The following IWS1 variants were observed in gnomAD, a reference collection of about 807,000 sequenced individuals.
IWS1 encodes interacts with SUPT6H, CTD assembly factor 1, also known as protein IWS1 homolog.
IWS1 carries 27 observed loss-of-function variants against 86.7 expected under a neutral mutation model. The observed-to-expected ratio is 0.31, with a 90% CI of 0.23 to 0.43. The LOEUF (loss-of-function observed/expected upper bound fraction) is 0.43. IWS1 is among the 20% of genes least tolerant of loss of function. The pLI is 1.00. For missense variants in IWS1, 827 were observed against 1,000.8 expected (o/e 0.83, Z 2.34); for synonymous variants, 313 against 335.1 (o/e 0.93, Z 0.72).
intron 2 of IWS1, chr2:127,514,335 A>C (rs1241705923): frequency 6.5e-6 from 1 of 153,372 alleles, no homozygotes; most frequent in African/African-American, 2.5e-5. Context: ...GGGACCCGCC[A>C]AACGGAGGAT....
intron 2 of IWS1, among the ~76,000 whole-genome samples, chr2:127,519,637 A>C (rs1691977630): frequency 6.6e-6 from 1 of 152,204 alleles, no homozygotes; most frequent in Non-Finnish European, 1.5e-5. Flanking sequence ...ATGGTAGCAA[A>C]ATAATGGCCC....
rs1410305937 is a variant in IWS1 at position 127,493,338 on chromosome 2, T to C, written c.1872A>G (p.Pro624=). The stretch of plus-strand genomic sequence containing the variant: ...TCTTGAGTGCAGGCAAACTCCTATC[T>C]GGTAGAGGTGAGAGCCATTCTTTGA... ...SAIKEWLSPL[P]DRSLPALKIR... Residue 624 remains proline, a synonymous_variant, in exon 9 of 14, where the codon CCA becomes CCG. Coordinates refer to ENST00000295321, the MANE Select transcript of IWS1 (RefSeq NM_017969.3). 3 of 1,613,882 alleles carry C rather than the reference T, an allele frequency of 1.9e-6. No individual in the cohort carries two copies. Among genetic ancestry groups the C allele is most frequent in the Non-Finnish European group, 2.5e-6 (3 of 1,179,912 alleles).
chr2:127,523,191 C>T (rs187123051), intron 2 of IWS1, among the ~76,000 whole-genome samples: 74 of 152,162 alleles, frequency 4.9e-4, no homozygotes, highest in African/African-American at 1.2e-3. Flanking sequence ...GCCTGTGTTA[C>T]AGAGTCAGAC....
At chr2:127,512,794 G>T (rs1691543059) in intron 2 of IWS1, among the ~76,000 whole-genome samples, 3 of 152,152 alleles carry the variant, frequency 2.0e-5, no homozygotes, top group Admixed American at 6.5e-5. Context: ...CACCCACATG[G>T]ATACCTTAAA....
At chr2:127,502,979 A>T in intron 4 of IWS1, 107 bp from the exon 5 acceptor site, 1 of 671,936 alleles carries the variant, frequency 1.5e-6, no homozygotes. Context: ...GCAGATCTTC[A>T]GTGTTCAGTT....
At chr2:127,509,662 C>T (rs1221083759) in intron 2 of IWS1, among the ~76,000 whole-genome samples, 2 of 128,622 alleles carry the variant, frequency 1.6e-5, no homozygotes, top group Non-Finnish European at 3.1e-5. Flanking sequence ...GAGCCAAGAT[C>T]GTGCCACTGC....
intron 12 of IWS1, 34 bp from the exon 13 acceptor site, chr2:127,486,698 T>C (rs369483146): frequency 1.9e-6 from 3 of 1,542,768 alleles, no homozygotes; most frequent in Admixed American, 1.7e-5. Flanking sequence ...ATGCTTCTTA[T>C]GTGGCCAGCC....
rs1690122421 is a variant in IWS1 at position 127,489,712 on chromosome 2, A to AT, written c.2159+119dup. On this transcript the variant is annotated intron_variant, in intron 11 of 13. Transcript: ENST00000295321. The surrounding 1 kb of genome is among the most constrained non-coding windows in gnomAD (Gnocchi z 4.8). The stretch of plus-strand genomic sequence containing the variant: ...AAAGGATATTATGAATTATGTACAC[A>AT]TATCAAGCTGAGAGGAAAGGAAATC... 2 of 719,402 alleles carry AT rather than the reference A, an allele frequency of 2.8e-6. No individual in the cohort carries two copies. The highest frequency in any genetic ancestry group is 4.0e-5 in the Admixed American group (2 of 50,124). The allele number at this position is 719,402 out of a possible 1,614,324, so 44.6% of individuals were successfully genotyped here.
chr2:127,483,030 TG>T (rs1341820957), intron 13 of IWS1: 1 of 151,304 alleles, frequency 6.6e-6, no homozygotes, highest in Admixed American at 6.6e-5. Flanking sequence ...CAATGTCGCT[TG>T]AAAAAAAAAC....
intron 2 of IWS1, chr2:127,511,521 C>G (rs1168425037): frequency 6.6e-6 from 1 of 152,202 alleles, no homozygotes; most frequent in African/African-American, 2.4e-5. Flanking sequence ...CGTCTGCTGA[C>G]CTGGTTAGCC....
At chr2:127,502,713 TG>T (rs1207123334) in intron 5 of IWS1, 101 bp downstream of exon 5, 12 of 595,806 alleles carry the variant, frequency 2.0e-5, no homozygotes, top group Non-Finnish European at 3.3e-5. Context: ...ACATCATAAT[TG>T]TTTATTCCTA....
Position 127,505,227 on chromosome 2 carries a change from T to C in IWS1, c.676A>G (p.Ser226Gly), listed in dbSNP as rs888669168. ...GCCTGGTGCCTTGGGGGTTCCTCAC[T>C]TTCTGAATCACTGACCTGAGGTTTA... ...LPKPQVSDSE[S>G]EEPPRHQASD... The change falls in exon 3 of 14, where the codon AGT becomes GGT. Residue 226 changes from serine to glycine, a missense_variant. Coordinates refer to ENST00000295321, the MANE Select transcript of IWS1 (RefSeq NM_017969.3). The surrounding 1 kb of genome is among the most constrained non-coding windows in gnomAD (Gnocchi z 5.0). 6.2e-7 allele frequency: 1 copy of C among 1,614,104 alleles called. No individual in the cohort carries two copies. The highest frequency in any genetic ancestry group is 1.7e-5 in the Admixed American group (1 of 60,022).
intron 6 of IWS1, 142 bp downstream of exon 6, chr2:127,497,995 TGAC>T: frequency 3.4e-6 from 2 of 593,304 alleles, no homozygotes; most frequent in Non-Finnish European, 5.9e-6. Context: ...GGTAATTCAC[TGAC>T]AACACCGTAA....
chr2:127,525,857 C>A (rs1158857005), intron 1 of IWS1, among the ~76,000 whole-genome samples: 1 of 152,252 alleles, frequency 6.6e-6, no homozygotes, highest in Non-Finnish European at 1.5e-5. Context: ...TCTCCAACTA[C>A]TCAACTACTG....
chr2:127,487,017 C>T (rs1014046003), intron 12 of IWS1, among the ~76,000 whole-genome samples: 3 of 152,206 alleles, frequency 2.0e-5, no homozygotes, highest in Admixed American at 6.5e-5. Context: ...AGTGGAGTCA[C>T]TCATGAGTTC....
rs1691039751 is a variant in IWS1, at chr2:127,504,961, G to C, written c.942C>G (p.Asp314Glu). 1 of 1,614,178 alleles carries C rather than the reference G, an allele frequency of 6.2e-7. No individual in the cohort carries two copies. The highest frequency in any genetic ancestry group is 8.5e-7 in the Non-Finnish European group (1 of 1,180,044). ...GTCTGGACGCATCCTCAGTTTCTGA[G>C]TCACTGGCAGGCCCCTTCTGAGGCC... Reference protein sequence around the residue: ...SEGPQKGPASDSETEDASRHK... With the variant: ...SEGPQKGPASESETEDASRHK... Residue 314 changes from aspartate to glutamate, a missense_variant, in exon 3 of 14, where the codon GAC becomes GAG. Around this residue, in one of 2 missense-constraint regions of IWS1, gnomAD observed 548 missense variants for 560.2 expected, o/e 0.98. Transcript: ENST00000295321.
rs1051577546 is a variant in IWS1, at chr2:127,489,982, T to C, written c.2048-39A>G. The C allele has an allele frequency of 6.9e-6, 8 of 1,161,840 alleles. No individual in the cohort carries two copies. The highest frequency in any genetic ancestry group is 1.0e-5 in the Non-Finnish European group (8 of 770,776). The allele number at this position is 1,161,840 out of a possible 1,614,324, so 72.0% of individuals were successfully genotyped here. A position where few individuals can be genotyped will look rare whatever the true frequency, so the allele number is the denominator to read the frequency against. Reference sequence around the variant, plus strand: ...AAAATCAATTATTTTGTCCATAAAATTGCATTTCCATTTTTTTCAAATAAT... The same window carrying C: ...AAAATCAATTATTTTGTCCATAAAACTGCATTTCCATTTTTTTCAAATAAT... On this transcript the variant is annotated intron_variant, in intron 10 of 13. Transcript: ENST00000295321. The surrounding 1 kb of genome is among the most constrained non-coding windows in gnomAD (Gnocchi z 4.8).
intron 2 of IWS1, among the ~76,000 whole-genome samples, chr2:127,520,313 C>G (rs990607932): frequency 1.3e-5 from 2 of 152,022 alleles, no homozygotes; most frequent in Non-Finnish European, 2.9e-5. Flanking sequence ...GGACTACAGG[C>G]GCAAACCACC....
intron 2 of IWS1, among the ~76,000 whole-genome samples, chr2:127,506,917 G>T (rs1259649062): frequency 6.6e-6 from 1 of 152,172 alleles, no homozygotes; most frequent in Non-Finnish European, 1.5e-5. Context: ...AGTATTTTAG[G>T]ATCCGGTGAA....
Sources: gnomAD v4.1 joint callset for allele counts (sites outside exome capture counted in the v4.1 genomes callset) on GRCh38, gnomAD v4.1.1 for gene constraint, gnomAD v4.1.1 regional missense constraint, Gnocchi (gnomAD v3.1) non-coding constraint, MANE v1.5 for transcripts, NCBI Gene and HGNC (gene_info 2026-07-23, HGNC 2026-07-21) for gene names.